The following SLC10A7 variants were observed in gnomAD, a reference collection of about 807,000 sequenced individuals.
The protein encoded by SLC10A7 is solute carrier family 10 member 7, also known as sodium/bile acid cotransporter 7.
SLC10A7 carries 29 observed loss-of-function variants against 43.2 expected under a neutral mutation model. The observed-to-expected ratio is 0.67, with a 90% CI of 0.50 to 0.92. The LOEUF (loss-of-function observed/expected upper bound fraction) is 0.92. SLC10A7 is among the 40% of genes least tolerant of loss of function. The pLI, the probability that SLC10A7 is intolerant of heterozygous loss-of-function variation, is 0.00. For synonymous variants in SLC10A7, 152 were observed against 144.8 expected (o/e 1.05, Z -0.35); for missense variants, 295 against 403.2 (o/e 0.73, Z 2.30).
At chr4:146,267,976 C>A (rs900726936) in intron 10 of SLC10A7, among the ~76,000 whole-genome samples, 1 of 152,086 alleles carries the variant, frequency 6.6e-6, no homozygotes, top group East Asian at 1.9e-4. Flanking sequence ...TAGTTTCCAA[C>A]CTCTGAAGCC....
chr4:146,287,995 T>C (rs1203251390), intron 9 of SLC10A7, among the ~76,000 whole-genome samples: 2 of 152,170 alleles, frequency 1.3e-5, no homozygotes, highest in African/African-American at 4.8e-5. Flanking sequence ...ACAATGTGGC[T>C]AAAGAGGATA....
At chr4:146,326,587 C>T (rs1007485809) in intron 5 of SLC10A7, among the ~76,000 whole-genome samples, 11 of 152,172 alleles carry the variant, frequency 7.2e-5, no homozygotes, top group African/African-American at 2.4e-4. Flanking sequence ...CTCTGCCTCC[C>T]CTAGGCAGAA....
At chr4:146,341,764 T>C (rs1403821628) in intron 5 of SLC10A7, among the ~76,000 whole-genome samples, 1 of 151,814 alleles carries the variant, frequency 6.6e-6, no homozygotes, top group African/African-American at 2.4e-5. Context: ...GACAAATCTA[T>C]GAGATGGATG....
intron 3 of SLC10A7, among the ~76,000 whole-genome samples, chr4:146,504,171 T>A (rs992777397): frequency 6.6e-6 from 1 of 152,100 alleles, no homozygotes; most frequent in Non-Finnish European, 1.5e-5. Flanking sequence ...CTATTTAAGC[T>A]CTTATTATAC....
intron 4 of SLC10A7, among the ~76,000 whole-genome samples, chr4:146,490,197 A>G (rs1192936926): frequency 6.6e-6 from 1 of 152,172 alleles, no homozygotes; most frequent in Non-Finnish European, 1.5e-5. Context: ...TGCAAACACT[A>G]CAGAAGAGTT....
At position 146,256,387 on chromosome 4, in the gene SLC10A7, T is replaced by C; in HGVS notation, c.*104A>G. On this transcript the variant is annotated 3_prime_UTR_variant, in exon 12 of 12. Coordinates refer to ENST00000335472, the MANE Select transcript of SLC10A7 (RefSeq NM_001029998.6). The stretch of plus-strand genomic sequence containing the variant: ...GATCTCATATTTTTGTGTAAAAAAA[T>C]AAAATATGCATTGAGGCAACATTCA... 1 of 1,096,996 alleles carries C rather than the reference T, an allele frequency of 9.1e-7. No homozygotes were observed. The highest frequency in any genetic ancestry group is 1.4e-6 in the Non-Finnish European group (1 of 735,058). The allele number at this position is 1,096,996 out of a possible 1,614,324, so 68.0% of individuals were successfully genotyped here.
At chr4:146,296,616 G>T (rs112376897) in intron 7 of SLC10A7, among the ~76,000 whole-genome samples, 16 of 152,212 alleles carry the variant, frequency 1.1e-4, no homozygotes, top group African/African-American at 3.9e-4. Flanking sequence ...GTACCCCTAG[G>T]GGAAAGCAGA....
intron 10 of SLC10A7, among the ~76,000 whole-genome samples, chr4:146,267,351 T>C (rs76832819): frequency 0.064 from 9,677 of 152,138 alleles, 431 homozygotes; most frequent in South Asian, 0.21. Context: ...CAGAATTCCA[T>C]TCTGTTCATA....
intron 4 of SLC10A7, among the ~76,000 whole-genome samples, chr4:146,476,642 C>T (rs530227391): frequency 6.6e-6 from 1 of 152,238 alleles, no homozygotes; most frequent in South Asian, 2.1e-4. Flanking sequence ...AGTTCTAGAA[C>T]TATGACTTGC....
intron 6 of SLC10A7, among the ~76,000 whole-genome samples, chr4:146,315,348 C>G (rs1268471945): frequency 1.3e-5 from 2 of 152,004 alleles, no homozygotes; most frequent in Admixed American, 6.6e-5. Context: ...CTGATAAAGA[C>G]CATAATAATG....
At chr4:146,280,384 G>GT (rs1729471799) in intron 10 of SLC10A7, among the ~76,000 whole-genome samples, 1 of 152,124 alleles carries the variant, frequency 6.6e-6, no homozygotes, top group Non-Finnish European at 1.5e-5. Flanking sequence ...CATACTCCTT[G>GT]TGATGTTCTT....
At chr4:146,315,507 G>C (rs1732266758) in intron 6 of SLC10A7, among the ~76,000 whole-genome samples, 1 of 151,976 alleles carries the variant, frequency 6.6e-6, no homozygotes, top group South Asian at 2.1e-4. Context: ...GAGAAACATT[G>C]GAAGTTTCTA....
intron 10 of SLC10A7, among the ~76,000 whole-genome samples, chr4:146,279,805 C>T (rs1408857248): frequency 1.3e-5 from 2 of 152,046 alleles, no homozygotes; most frequent in South Asian, 2.1e-4. Flanking sequence ...AATAGGAAGC[C>T]TTATAATTAA....
At chr4:146,389,525 T>C (rs1370909222) in intron 5 of SLC10A7, among the ~76,000 whole-genome samples, 1 of 152,168 alleles carries the variant, frequency 6.6e-6, no homozygotes, top group African/African-American at 2.4e-5. Flanking sequence ...GAGTCTATGG[T>C]AATTCGTTAC....
chr4:146,380,062 C>G (rs957974383), intron 5 of SLC10A7, among the ~76,000 whole-genome samples: 1 of 151,766 alleles, frequency 6.6e-6, no homozygotes, highest in African/African-American at 2.4e-5. Context: ...TGAGGAAAAT[C>G]TAATACCCAT....
intron 5 of SLC10A7, among the ~76,000 whole-genome samples, chr4:146,422,505 T>A (rs1266175097): frequency 6.6e-6 from 1 of 152,138 alleles, no homozygotes; most frequent in Admixed American, 6.5e-5. Context: ...AACATTTACC[T>A]AAAAAGAACA....
At chr4:146,263,855 A>G (rs1049357561) in intron 10 of SLC10A7, among the ~76,000 whole-genome samples, 11 of 152,354 alleles carry the variant, frequency 7.2e-5, no homozygotes, top group African/African-American at 2.4e-4. Flanking sequence ...TTTTCTGACT[A>G]AAGTAATTTC....
At chr4:146,388,712 T>C (rs572952520) in intron 5 of SLC10A7, among the ~76,000 whole-genome samples, 227 of 151,564 alleles carry the variant, frequency 1.5e-3, no homozygotes, top group Admixed American at 3.5e-3. Flanking sequence ...TGAGCCGAGA[T>C]GTTGCCACTG....
Position 146,482,953 on chromosome 4 carries a change from GAAAAAA to G in SLC10A7, c.396+20890_396+20895del, listed in dbSNP as rs143319203. On this transcript the variant is annotated intron_variant, in intron 4 of 11. Coordinates refer to ENST00000335472, the MANE Select transcript of SLC10A7 (RefSeq NM_001029998.6). Reference sequence around the variant, plus strand: ...GAATGATATATTCAAAGTACTGAAAGAAAAAAAAAACTGACAACCAAGAATACTATA... The same window carrying G: ...GAATGATATATTCAAAGTACTGAAAGAAAACTGACAACCAAGAATACTATA... Among the ~76,000 whole-genome samples the G allele has an allele frequency of 4.2e-3, 615 of 147,778 alleles. 2 individuals are homozygous for G. The highest frequency in any genetic ancestry group is 0.015 in the African/African-American group (586 of 40,398).
Sources: gnomAD v4.1 joint callset for allele counts (sites outside exome capture counted in the v4.1 genomes callset) on GRCh38, gnomAD v4.1.1 for gene constraint, MANE v1.5 for transcripts, NCBI Gene and HGNC (gene_info 2026-07-23, HGNC 2026-07-21) for gene names.